Variants in IREB2 observed in about 807,000 individuals in gnomAD.
IREB2 encodes iron responsive element binding protein 2.
IREB2 carries 39 observed loss-of-function variants against 118.8 expected under a neutral mutation model. The observed-to-expected ratio is 0.33, with a 90% CI of 0.25 to 0.43. The LOEUF (loss-of-function observed/expected upper bound fraction) is 0.43. Ranked by LOEUF, IREB2 falls within the 20% of genes least tolerant of loss-of-function variation. The pLI, the probability that IREB2 is intolerant of heterozygous loss-of-function variation, is 1.00. For synonymous variants in IREB2, 372 were observed against 392.2 expected (o/e 0.95, Z 0.61); for missense variants, 900 against 1,147.3 (o/e 0.78, Z 3.11).
At chr15:78,493,136 A>G (rs1401511997) in intron 18 of IREB2, among the ~76,000 whole-genome samples, 4 of 152,178 alleles carry the variant, frequency 2.6e-5, no homozygotes, top group East Asian at 3.9e-4. Flanking sequence ...AACATGTTAA[A>G]TGATTCATGG....
chr15:78,468,089 A>G (rs940465218), intron 5 of IREB2, among the ~76,000 whole-genome samples: 3 of 152,170 alleles, frequency 2.0e-5, no homozygotes, highest in East Asian at 1.9e-4. Context: ...CCTGGCCTCA[A>G]GTGATGCTTC....
chr15:78,475,047 G>A (rs910041931), intron 8 of IREB2: 3 of 116,356 alleles, frequency 2.6e-5, no homozygotes, highest in Non-Finnish European at 4.8e-5. Flanking sequence ...GGGCGACAGA[G>A]CGAGACTCTG....
intron 11 of IREB2, 146 bp from the exon 12 acceptor site, chr15:78,484,615 A>G (rs1258139049): frequency 3.5e-6 from 2 of 578,620 alleles, no homozygotes; most frequent in Non-Finnish European, 6.1e-6. Flanking sequence ...ACAACTACTG[A>G]ATGTTATGGG....
Position 78,476,189 on chromosome 15 carries a change from A to C in IREB2, c.1025A>C (p.His342Pro), listed in dbSNP as rs1476630844. ...TGTTTCTGTGTATTCCTTATATAGC[A>C]CCTCAGGCAAGTAGGAGTGGCTGGA... is the stretch of plus-strand genomic sequence containing the variant. ...SIDVVLGITK[H>P]LRQVGVAGKF... is the part of the protein sequence containing the mutation. The change falls in exon 9 of 22, where the codon CAC becomes CCC. Residue 342 changes from histidine (H) to proline (P), a missense_variant and splice_region_variant. Coordinates refer to ENST00000258886, the MANE Select transcript of IREB2 (RefSeq NM_004136.4). 1 of 1,579,236 alleles carries C rather than the reference A, an allele frequency of 6.3e-7. No individual in the cohort carries two copies. The highest frequency in any genetic ancestry group is 1.1e-5 in the South Asian group (1 of 87,546).
chr15:78,456,201 G>A (rs2051102482), intron 2 of IREB2, among the ~76,000 whole-genome samples: 1 of 152,218 alleles, frequency 6.6e-6, no homozygotes, highest in Non-Finnish European at 1.5e-5. Context: ...TCATCTTGGA[G>A]ATTGGCTACC....
chr15:78,446,007 A>G (rs1441078893), intron 2 of IREB2, among the ~76,000 whole-genome samples: 2 of 152,020 alleles, frequency 1.3e-5, no homozygotes, highest in African/African-American at 2.4e-5. Context: ...CTGGTCTTGA[A>G]TCCTGGCTTC....
intron 2 of IREB2, among the ~76,000 whole-genome samples, chr15:78,459,997 G>GATAAT (rs1282323702): frequency 6.6e-6 from 1 of 152,154 alleles, no homozygotes; most frequent in Non-Finnish European, 1.5e-5. Context: ...ATTTTTGCAA[G>GATAAT]ATAGTAAGTG....
Position 78,485,838 on chromosome 15 carries a change from T to C in IREB2, c.1707T>C (p.Leu569=). 6.2e-7 allele frequency: 1 copy of C among 1,613,146 alleles called. No homozygotes were observed. The highest frequency in any genetic ancestry group is 8.5e-7 in the Non-Finnish European group (1 of 1,179,430). ...SSGVLPYLSK[L]GFEIVGYGCS... ...GAGTATTACCATATCTAAGTAAGCT[T>C]GGGTAAGTAACAGCTATCGCACTTC... The change falls in exon 13 of 22, where the codon CTT becomes CTC. Residue 569 remains leucine, a splice_region_variant and synonymous_variant. Coordinates refer to ENST00000258886, the MANE Select transcript of IREB2 (RefSeq NM_004136.4).
At chr15:78,440,006 C>T (rs1226975704) in intron 2 of IREB2, 125 bp downstream of exon 2, 3 of 598,816 alleles carry the variant, frequency 5.0e-6, no homozygotes, top group Non-Finnish European at 8.7e-6. Flanking sequence ...CCTACACATA[C>T]CTATACCATT....
chr15:78,446,256 T>A (rs1363015546), intron 2 of IREB2, among the ~76,000 whole-genome samples: 1 of 152,224 alleles, frequency 6.6e-6, no homozygotes, highest in Non-Finnish European at 1.5e-5. Context: ...ACATAGTACA[T>A]AACTTTCCAA....
intron 10 of IREB2, among the ~76,000 whole-genome samples, chr15:78,482,032 A>G (rs8042260): frequency 0.51 from 76,957 of 151,992 alleles, 20,886 homozygotes; most frequent in Non-Finnish European, 0.62. Context: ...GCTTGAGCTC[A>G]GGACCAGCCT....
At chr15:78,443,578 A>G (rs997942483) in intron 2 of IREB2, among the ~76,000 whole-genome samples, 5 of 152,188 alleles carry the variant, frequency 3.3e-5, no homozygotes, top group Non-Finnish European at 7.4e-5. Context: ...TTGATCTTGT[A>G]TGATTTTGCT....
intron 2 of IREB2, among the ~76,000 whole-genome samples, chr15:78,447,876 C>A (rs2050957913): frequency 6.6e-6 from 1 of 152,174 alleles, no homozygotes; most frequent in Non-Finnish European, 1.5e-5. Context: ...GACATTTGTG[C>A]TTGGCGAACT....
In IREB2 at chr15:78,498,080, T is replaced by A; in HGVS notation, c.2829T>A (p.Asp943Glu). 1 of 1,613,738 alleles carries A rather than the reference T, an allele frequency of 6.2e-7. No individual in the cohort carries two copies. Among genetic ancestry groups the A allele is most frequent in the South Asian group, 1.1e-5 (1 of 91,058 alleles). The stretch of plus-strand genomic sequence containing the variant: ...GCGTGATTGCTTCGTTTGAAGATGA[T>A]GTGGAAATAACATTATACAAACATG... ...VFSVIASFED[D>E]VEITLYKHGG... The change falls in exon 22 of 22, where the codon GAT (aspartate) becomes GAA (glutamate). Residue 943 changes from aspartate to glutamate, a missense_variant. Asp to Glu is a conservative substitution (Grantham distance 45). Transcript: ENST00000258886.
chr15:78,462,352 T>G lies in IREB2; in HGVS notation c.107-570T>G, dbSNP rs1204158857. ...CACAATCTGGTGTGAGAATTTAATA[T>G]GATTGAAAATTTTAAAATATTGAAA... On this transcript the variant is annotated intron_variant, in intron 2 of 21. Transcript: ENST00000258886. 2.0e-5 allele frequency among the ~76,000 whole-genome samples: 3 copies of G among 152,248 alleles called. No homozygotes were observed. In the East Asian group the frequency reaches 5.8e-4, roughly 29 times the overall value.
intron 20 of IREB2, among the ~76,000 whole-genome samples, chr15:78,496,171 A>G (rs1373348100): frequency 6.6e-6 from 1 of 152,184 alleles, no homozygotes; most frequent in African/African-American, 2.4e-5. Context: ...TTGTCTTCTA[A>G]ATCACTTACC....
chr15:78,498,073 A>G lies in IREB2; in HGVS notation c.2822A>G (p.Glu941Gly). The G allele has an allele frequency of 6.2e-7, 1 of 1,613,610 alleles. No individual in the cohort carries two copies. The change falls in exon 22 of 22, where the codon GAA (glutamate) becomes GGA (glycine). Residue 941 changes from glutamate (E) to glycine (G), a missense_variant. Transcript: ENST00000258886. ...GTATTCAGCGTGATTGCTTCGTTTG[A>G]AGATGATGTGGAAATAACATTATAC... ...GKVFSVIASF[E>G]DDVEITLYKH...
intron 10 of IREB2, among the ~76,000 whole-genome samples, chr15:78,480,801 A>T (rs151127204): frequency 1.3e-5 from 2 of 151,692 alleles, no homozygotes; most frequent in East Asian, 3.9e-4. Context: ...TGAGGTCAGG[A>T]GGTCCAGACC....
In IREB2 at chr15:78,463,098, G is replaced by T; in HGVS notation, c.272+11G>T. On this transcript the variant is annotated intron_variant, in intron 3 of 21. Coordinates refer to ENST00000258886, the MANE Select transcript of IREB2 (RefSeq NM_004136.4). ...TCTTCAAGATTTTACGTGAGTAATG[G>T]GTTTATTTTTTGTGAATGAACTCTT... 1 of 1,578,416 alleles carries T rather than the reference G, an allele frequency of 6.3e-7. No homozygotes were observed. Among genetic ancestry groups the T allele is most frequent in the Non-Finnish European group, 8.6e-7 (1 of 1,164,896 alleles).
Sources: allele counts gnomAD v4.1 joint callset (sites outside exome capture counted in the v4.1 genomes callset), GRCh38; gene constraint gnomAD v4.1.1; transcripts MANE v1.5; gene names NCBI Gene and HGNC (gene_info 2026-07-23, HGNC 2026-07-21).